The following DCAF6 variants were observed in gnomAD, a reference collection of about 807,000 sequenced individuals.
DCAF6 encodes DDB1- and CUL4-associated factor 6.
DCAF6 carries 54 observed loss-of-function variants against 125.1 expected under a neutral mutation model. That is an observed-to-expected ratio of 0.43 (90% confidence interval 0.35 to 0.54). The LOEUF (loss-of-function observed/expected upper bound fraction) is 0.54. Among genes scored for constraint, DCAF6 ranks in the 20% least tolerant of loss-of-function variants. DCAF6 has a pLI of 0.01. For missense variants in DCAF6, 934 were observed against 1,161.7 expected (o/e 0.80, Z 2.85); for synonymous variants, 371 against 390.4 (o/e 0.95, Z 0.58).
intron 7 of DCAF6, among the ~76,000 whole-genome samples, chr1:167,997,124 G>T (rs1310047020): frequency 6.6e-6 from 1 of 152,068 alleles, no homozygotes; most frequent in African/African-American, 2.4e-5. Context: ...AAAATATTTG[G>T]TGAATGAAAC....
chr1:167,889,085 G>T, the DCAF6 span, among the ~76,000 whole-genome samples: 1 of 152,058 alleles, frequency 6.6e-6, no homozygotes, highest in East Asian at 1.9e-4. Flanking sequence ...TCTTTCTCTT[G>T]TCTGATTACA....
the DCAF6 span, chr1:167,883,678 T>G: frequency 1.3e-6 from 2 of 1,576,960 alleles, no homozygotes; most frequent in Non-Finnish European, 1.7e-6. Context: ...AGTGGATCCC[T>G]CCCCCAACAC....
chr1:168,006,445 A>C (rs1683349533), intron 10 of DCAF6, among the ~76,000 whole-genome samples: 1 of 152,196 alleles, frequency 6.6e-6, no homozygotes, highest in South Asian at 2.1e-4. Context: ...CCATGTTATC[A>C]AGACATTATC....
At chr1:167,905,665 A>C in the DCAF6 span, among the ~76,000 whole-genome samples, 2 of 151,936 alleles carry the variant, frequency 1.3e-5, no homozygotes, top group African/African-American at 4.8e-5. Flanking sequence ...TGAGTATTAG[A>C]GTTTTGTATA....
At chr1:168,023,350 T>A in intron 12 of DCAF6, 1 of 446,424 alleles carries the variant, frequency 2.2e-6, no homozygotes. Context: ...GTATCTGTCA[T>A]AAAATTGTGT....
intron 17 of DCAF6, among the ~76,000 whole-genome samples, chr1:168,059,370 A>G (rs1219206867): frequency 6.6e-6 from 1 of 152,164 alleles, no homozygotes; most frequent in Non-Finnish European, 1.5e-5. Context: ...TCATCAGACA[A>G]TTTGCCTGTC....
Position 168,063,603 on chromosome 1 carries a change from A to T in DCAF6, c.2301-18A>T. 1 of 1,454,038 alleles carries T rather than the reference A, an allele frequency of 6.9e-7. No individual in the cohort carries two copies. The highest frequency in any genetic ancestry group is 1.5e-5 in the South Asian group (1 of 67,254). 90.1% of individuals were successfully genotyped at this position (1,454,038 alleles called of 1,614,324 possible). ...TATTTTTATTTATTTTTGTTTTTTTAATATGTAATTCATATAGACGCTCTG... is the reference window on the plus strand; with the variant it reads ...TATTTTTATTTATTTTTGTTTTTTTTATATGTAATTCATATAGACGCTCTG... On this transcript the variant is annotated intron_variant, in intron 17 of 21. Transcript: ENST00000367840.
chr1:167,878,670 A>G, the DCAF6 span: 1 of 1,593,224 alleles, frequency 6.3e-7, no homozygotes, highest in South Asian at 1.1e-5. Context: ...AGATCAGGGA[A>G]ATAACAGGCA....
the DCAF6 span, among the ~76,000 whole-genome samples, chr1:167,869,987 G>T: frequency 1.3e-5 from 2 of 152,072 alleles, no homozygotes; most frequent in African/African-American, 4.8e-5. Flanking sequence ...AATTGTTCTC[G>T]ATCTGTCTGA....
upstream of DCAF6, chr1:167,935,877 G>A (rs1671144269): frequency 2.7e-6 from 4 of 1,481,080 alleles, no homozygotes; most frequent in Non-Finnish European, 3.7e-6. Context: ...GGGTGGGAGC[G>A]TGGCTGTGTT....
Position 168,075,732 on chromosome 1 carries a change from A to G in DCAF6, c.*297A>G, listed in dbSNP as rs1693722673. 3 of 253,224 alleles carry G rather than the reference A, an allele frequency of 1.2e-5. No homozygotes were observed. Among genetic ancestry groups the G allele is most frequent in the Non-Finnish European group, 2.2e-5 (3 of 134,502 alleles). The allele number at this position is 253,224 out of a possible 1,614,324, so 15.7% of individuals were successfully genotyped here. A position where few individuals can be genotyped will look rare whatever the true frequency, so the allele number is the denominator to read the frequency against. ...ATGTGGGAGCTTGGATCAATGTTGA[A>G]GAATAATTTTCATCATAGTGAAAAT... is the stretch of plus-strand genomic sequence containing the variant. On this transcript the variant is annotated 3_prime_UTR_variant, in exon 22 of 22. Coordinates refer to ENST00000367840, the MANE Select transcript of DCAF6 (RefSeq NM_001198956.2).
At chr1:167,886,359 A>G in the DCAF6 span, among the ~76,000 whole-genome samples, 5 of 152,208 alleles carry the variant, frequency 3.3e-5, no homozygotes, top group African/African-American at 1.2e-4. Context: ...AATATAGACC[A>G]ATGGAATGGA....
intron 7 of DCAF6, among the ~76,000 whole-genome samples, chr1:167,997,899 A>T (rs1681980791): frequency 6.6e-6 from 1 of 152,166 alleles, no homozygotes; most frequent in Non-Finnish European, 1.5e-5. Flanking sequence ...ACATAAGGAG[A>T]TACTCAACGT....
intron 12 of DCAF6, among the ~76,000 whole-genome samples, chr1:168,037,103 CCTT>C (rs1161108954): frequency 0.011 from 1,580 of 148,302 alleles, 24 homozygotes; most frequent in African/African-American, 0.036. Context: ...TTCTCCCCCC[CCTT>C]TTTTTTTTTT....
chr1:168,065,226 T>A (rs557951639), intron 18 of DCAF6, among the ~76,000 whole-genome samples: 63 of 152,216 alleles, frequency 4.1e-4, no homozygotes, highest in Admixed American at 3.8e-3. Flanking sequence ...TCCCTCTTCT[T>A]AGGGGGGATT....
At chr1:167,947,916 T>A (rs548738629) in intron 1 of DCAF6, among the ~76,000 whole-genome samples, 58 of 152,342 alleles carry the variant, frequency 3.8e-4, no homozygotes, top group South Asian at 8.3e-4. Context: ...AGTCCAGTGT[T>A]TCTTTGCTGA....
intron 17 of DCAF6, chr1:168,056,387 C>G: frequency 1.4e-6 from 2 of 1,452,360 alleles, no homozygotes; most frequent in African/African-American, 2.0e-5. Flanking sequence ...GGGTGCAGAG[C>G]AGGGCCCGCA....
the DCAF6 span, among the ~76,000 whole-genome samples, chr1:167,864,223 G>A: frequency 6.6e-6 from 1 of 152,188 alleles, no homozygotes; most frequent in Non-Finnish European, 1.5e-5. Flanking sequence ...TGCATGTGGT[G>A]TGAGAGTGGT....
the DCAF6 span, among the ~76,000 whole-genome samples, chr1:167,872,485 C>T: frequency 1.3e-5 from 2 of 151,938 alleles, no homozygotes. Flanking sequence ...ATGAGATTGT[C>T]TCCTTAACTT....
Sources: gnomAD v4.1 joint callset for allele counts (sites outside exome capture counted in the v4.1 genomes callset) on GRCh38, gnomAD v4.1.1 for gene constraint, MANE v1.5 for transcripts, NCBI Gene and HGNC (gene_info 2026-07-23, HGNC 2026-07-21) for gene names.